Variants in PREX2 observed in about 807,000 individuals in gnomAD.
PREX2 encodes the protein phosphatidylinositol 3,4,5-trisphosphate-dependent Rac exchanger 2 protein.
A neutral mutation model predicts 203.2 loss-of-function variants in PREX2; 107 were observed. The observed-to-expected ratio is 0.53, with a 90% CI of 0.45 to 0.62. The LOEUF is 0.62. Among genes scored for constraint, PREX2 ranks in the 20% least tolerant of loss-of-function variants. PREX2 has a pLI of 0.00. For missense variants in PREX2, 1,777 were observed against 1,955.9 expected (o/e 0.91, Z 1.72); for synonymous variants, 672 against 663.6 (o/e 1.01, Z -0.19).
chr8:67,962,033 A>G (rs1805647261), intron 1 of PREX2, among the ~76,000 whole-genome samples: 1 of 152,244 alleles, frequency 6.6e-6, no homozygotes, highest in Non-Finnish European at 1.5e-5. Flanking sequence ...ATATCACAAT[A>G]TAGAATATAG....
chr8:68,220,177 T>G (rs988099572), intron 38 of PREX2: 2 of 152,104 alleles, frequency 1.3e-5, no homozygotes, highest in African/African-American at 4.8e-5. Context: ...CCTCTGCAGA[T>G]TTTGTGTATA....
At chr8:68,145,254 A>G (rs914917403) in intron 33 of PREX2, among the ~76,000 whole-genome samples, 1 of 152,162 alleles carries the variant, frequency 6.6e-6, no homozygotes, top group Admixed American at 6.5e-5. Flanking sequence ...AAAATAAAAT[A>G]AGTACTTTAT....
intron 1 of PREX2, among the ~76,000 whole-genome samples, chr8:68,010,847 G>A (rs919188904): frequency 2.6e-5 from 4 of 152,078 alleles, no homozygotes; most frequent in Non-Finnish European, 5.9e-5. Context: ...CCTAATCTTC[G>A]TTCTTTTTGA....
At chr8:68,051,090 A>G (rs1423055354) in intron 8 of PREX2, among the ~76,000 whole-genome samples, 1 of 152,080 alleles carries the variant, frequency 6.6e-6, no homozygotes, top group Non-Finnish European at 1.5e-5. Context: ...GCAGGGTGTG[A>G]AGAGGCCAGT....
chr8:67,974,012 C>T (rs1011760708), intron 1 of PREX2, among the ~76,000 whole-genome samples: 4 of 152,058 alleles, frequency 2.6e-5, no homozygotes, highest in African/African-American at 9.7e-5. Flanking sequence ...CTATTACATA[C>T]TAGGTGTTAA....
chr8:68,115,684 A>C, intron 25 of PREX2, 69 bp from the exon 26 acceptor site: 6 of 1,058,222 alleles, frequency 5.7e-6, no homozygotes, highest in Non-Finnish European at 8.1e-6. Flanking sequence ...TATTGTATTC[A>C]GCAAATAAGG....
At chr8:68,203,655 T>G (rs757947055) in intron 37 of PREX2, among the ~76,000 whole-genome samples, 24 of 152,016 alleles carry the variant, frequency 1.6e-4, no homozygotes, top group Non-Finnish European at 2.8e-4. Context: ...ACTATAGAAG[T>G]TGAGAAAAGA....
In PREX2 at chr8:67,952,552, G is replaced by C. The variant is rs376574325; in HGVS notation, c.141+17G>C. On this transcript the variant is annotated intron_variant, in intron 1 of 39. Transcript: ENST00000288368. ...CTGGTGTCGGTGAGTGTCCCCGGCA[G>C]ACGCAGGGGGACGTCCGGGCGGCGC... 3.7e-5 allele frequency: 60 copies of C among 1,603,922 alleles called. No individual in the cohort carries two copies. The highest frequency in any genetic ancestry group is 5.1e-5 in the Non-Finnish European group (60 of 1,175,412).
At chr8:68,059,408 C>T (rs1808778847) in intron 10 of PREX2, among the ~76,000 whole-genome samples, 1 of 152,054 alleles carries the variant, frequency 6.6e-6, no homozygotes, top group Non-Finnish European at 1.5e-5. Context: ...ACCTATAATC[C>T]ACTGTGGCCT....
Position 68,090,438 on chromosome 8 carries a change from G to T in PREX2, c.2114-141G>T, listed in dbSNP as rs1390657622. 6.3e-6 allele frequency: 4 copies of T among 630,116 alleles called. No homozygotes were observed. In the South Asian group the frequency reaches 8.7e-5, roughly 14 times the overall value. 39.0% of individuals were successfully genotyped at this position (630,116 alleles called of 1,614,324 possible). On this transcript the variant is annotated intron_variant, in intron 19 of 39. Coordinates refer to ENST00000288368, the MANE Select transcript of PREX2 (RefSeq NM_024870.4). ...AGCAGAAAAGTGTTGAGTGGGCATT[G>T]CTCTCAGAACCAAGTTTATCAAGAT...
intron 3 of PREX2, among the ~76,000 whole-genome samples, chr8:68,021,505 C>G (rs909521446): frequency 4.6e-5 from 7 of 152,144 alleles, no homozygotes; most frequent in Non-Finnish European, 1.0e-4. Context: ...GCACAACTGT[C>G]TAGACTGGTG....
chr8:68,110,991 A>T (rs1328940659), intron 25 of PREX2: 1 of 416,484 alleles, frequency 2.4e-6, no homozygotes, highest in African/African-American at 2.1e-5. Flanking sequence ...AAGCAATTGC[A>T]TGACATCTTT....
intron 22 of PREX2, among the ~76,000 whole-genome samples, chr8:68,099,070 G>T (rs532044793): frequency 6.7e-6 from 1 of 150,212 alleles, no homozygotes; most frequent in Non-Finnish European, 1.5e-5. Context: ...GATTCAAATA[G>T]TCAAAAGAAC....
intron 26 of PREX2, 25 bp downstream of exon 26, chr8:68,115,957 AT>A: frequency 6.5e-7 from 1 of 1,541,588 alleles, no homozygotes; most frequent in Non-Finnish European, 8.8e-7. Flanking sequence ...CCTCAAACTC[AT>A]TTTCTTAACA....
chr8:67,979,098 CTT>C (rs1404928032), intron 1 of PREX2, among the ~76,000 whole-genome samples: 1 of 152,138 alleles, frequency 6.6e-6, no homozygotes, highest in Non-Finnish European at 1.5e-5. Flanking sequence ...AAGAAAATCA[CTT>C]TGTTTCTTAC....
At chr8:68,031,960 G>T (rs1471806560) in intron 6 of PREX2, among the ~76,000 whole-genome samples, 5 of 152,158 alleles carry the variant, frequency 3.3e-5, no homozygotes, top group African/African-American at 1.2e-4. Context: ...GCACTCTAGG[G>T]AAATGGAATC....
chr8:68,119,350 A>T (rs1810720450), intron 27 of PREX2, 82 bp from the exon 28 acceptor site: 1 of 858,854 alleles, frequency 1.2e-6, no homozygotes, highest in African/African-American at 1.7e-5. Flanking sequence ...TTTACATTTT[A>T]TTGAATATTA....
At chr8:68,221,019 C>T (rs1204932966) in intron 38 of PREX2, among the ~76,000 whole-genome samples, 1 of 152,130 alleles carries the variant, frequency 6.6e-6, no homozygotes, top group South Asian at 2.1e-4. Context: ...CCCCTTCCTT[C>T]CTCTCCCCTT....
At chr8:68,110,917 T>A (rs1810521260) in intron 25 of PREX2, 1 of 435,930 alleles carries the variant, frequency 2.3e-6, no homozygotes, top group South Asian at 1.7e-5. Flanking sequence ...ATACTGTGAC[T>A]TTTCCCATTT....
Sources: allele counts gnomAD v4.1 joint callset (sites outside exome capture counted in the v4.1 genomes callset), GRCh38; gene constraint gnomAD v4.1.1; transcripts MANE v1.5; gene names NCBI Gene and HGNC (gene_info 2026-07-23, HGNC 2026-07-21).